The following IL6R variants were observed in gnomAD, a reference collection of about 807,000 sequenced individuals.
IL6R encodes the protein interleukin-6 receptor subunit alpha.
Under a neutral mutation model 48.3 loss-of-function variants are expected in IL6R, and 38 were observed. The ratio of observed to expected loss-of-function variants is 0.79; its 90% CI spans 0.61 to 1.03. The LOEUF is 1.03. IL6R is among the 50% of genes least tolerant of loss of function. The pLI, the probability that IL6R is intolerant of heterozygous loss-of-function variation, is 0.00. For missense variants in IL6R, 534 were observed against 618.3 expected (o/e 0.86, Z 1.45); for synonymous variants, 264 against 256.2 (o/e 1.03, Z -0.29).
chr1:154,405,984 C>T lies in IL6R; in HGVS notation c.85+270C>T, dbSNP rs992980842. Among the ~76,000 whole-genome samples, 1 of 152,170 alleles carries T rather than the reference C, an allele frequency of 6.6e-6. No homozygotes were observed. The highest frequency in any genetic ancestry group is 6.5e-5 in the Admixed American group (1 of 15,286). On this transcript the variant is annotated intron_variant, in intron 1 of 9. Transcript: ENST00000368485. This position sits in a 1 kb window ranked among gnomAD's most constrained non-coding sequence, Gnocchi z 5.2. The stretch of plus-strand genomic sequence containing the variant: ...GGAACCCTGCGGTCTGTGTACAGGA[C>T]TGTGTCCTTGCAAACCTGACTCTCG...
chr1:154,424,682 C>G (rs12096944), intron 1 of IL6R, among the ~76,000 whole-genome samples: 1 of 152,152 alleles, frequency 6.6e-6, no homozygotes. Context: ...CATACGTAAC[C>G]GCATTCAGGC....
intron 6 of IL6R, among the ~76,000 whole-genome samples, chr1:154,443,935 C>A (rs1424417579): frequency 2.0e-5 from 3 of 152,274 alleles, no homozygotes; most frequent in South Asian, 2.1e-4. Context: ...CCAGGGGACA[C>A]CCCACCCACC....
At chr1:154,407,247 C>T (rs2149199284) in intron 1 of IL6R, among the ~76,000 whole-genome samples, 1 of 152,316 alleles carries the variant, frequency 6.6e-6, no homozygotes, top group Middle Eastern at 3.4e-3. Context: ...AAGCAGGGCT[C>T]CCTTGGCTGC....
At chr1:154,422,169 C>T (rs776630429) in intron 1 of IL6R, among the ~76,000 whole-genome samples, 9 of 149,956 alleles carry the variant, frequency 6.0e-5, no homozygotes, top group African/African-American at 1.5e-4. Flanking sequence ...CTCAAACTCC[C>T]GACCTCAGGT....
chr1:154,408,276 C>G (rs1687843028), intron 1 of IL6R, among the ~76,000 whole-genome samples: 1 of 152,232 alleles, frequency 6.6e-6, no homozygotes, highest in African/African-American at 2.4e-5. Flanking sequence ...GGCCCTCCCG[C>G]TTCGGGCTCT....
At chr1:154,417,753 T>C (rs1436151080) in intron 1 of IL6R, among the ~76,000 whole-genome samples, 1 of 150,402 alleles carries the variant, frequency 6.6e-6, no homozygotes, top group East Asian at 2.0e-4. Flanking sequence ...TTTTTTTTTT[T>C]TTTTGAGATG....
At chr1:154,444,290 C>T (rs960361180) in intron 6 of IL6R, among the ~76,000 whole-genome samples, 9 of 150,660 alleles carry the variant, frequency 6.0e-5, no homozygotes, top group African/African-American at 2.0e-4. Flanking sequence ...CTCACCGCAA[C>T]CTCCACCTCC....
At chr1:154,409,520 A>G (rs1368371746) in intron 1 of IL6R, among the ~76,000 whole-genome samples, 1 of 152,166 alleles carries the variant, frequency 6.6e-6, no homozygotes, top group Non-Finnish European at 1.5e-5. Flanking sequence ...AATAGAAATA[A>G]TTGTATTACC....
chr1:154,418,400 C>T (rs919140201), intron 1 of IL6R: 6 of 984,532 alleles, frequency 6.1e-6, no homozygotes, highest in Non-Finnish European at 6.0e-6. Context: ...AGTGTACAGT[C>T]CATCGTGTGG....
chr1:154,448,081 A>G (rs1333802730), intron 6 of IL6R, 44 bp from the exon 7 acceptor site: 4 of 1,540,924 alleles, frequency 2.6e-6, no homozygotes, highest in Admixed American at 1.7e-5. Context: ...ACAGGACTCC[A>G]GGGCCCATGA....
chr1:154,430,640 G>T, intron 3 of IL6R, 34 bp downstream of exon 3: 3 of 1,613,462 alleles, frequency 1.9e-6, no homozygotes, highest in Non-Finnish European at 1.7e-6. Flanking sequence ...GTGCATGTTG[G>T]CTCCCTCCTT....
chr1:154,464,574 C>T (rs1691445300), intron 9 of IL6R, among the ~76,000 whole-genome samples: 1 of 152,166 alleles, frequency 6.6e-6, no homozygotes, highest in Non-Finnish European at 1.5e-5. Context: ...AGTTTCTTCA[C>T]TTGTAAATTG....
chr1:154,461,003 A>C (rs1691228713), intron 9 of IL6R, among the ~76,000 whole-genome samples: 5 of 152,308 alleles, frequency 3.3e-5, no homozygotes, highest in Admixed American at 3.3e-4. Flanking sequence ...GAGGCAGGGT[A>C]AGGAAGGTAA....
At chr1:154,452,873 T>C (rs1348881738) in intron 8 of IL6R, among the ~76,000 whole-genome samples, 2 of 151,272 alleles carry the variant, frequency 1.3e-5, no homozygotes, top group African/African-American at 2.4e-5. Context: ...TTTAGATACA[T>C]GATAGGCACT....
intron 1 of IL6R, among the ~76,000 whole-genome samples, chr1:154,428,357 C>G (rs1570949024): frequency 6.6e-6 from 1 of 152,118 alleles, no homozygotes; most frequent in African/African-American, 2.4e-5. Flanking sequence ...AACAGGGAAC[C>G]AGAAGCCCTG....
intron 7 of IL6R, among the ~76,000 whole-genome samples, chr1:154,449,531 A>C (rs528577103): frequency 1.2e-4 from 18 of 152,206 alleles, no homozygotes; most frequent in African/African-American, 2.9e-4. Flanking sequence ...AACAAACAAA[A>C]AAAAAGAAGT....
Position 154,454,519 on chromosome 1 carries a change from A to G in IL6R, c.1098A>G (p.Thr366=), listed in dbSNP as rs375670252. The G allele has an allele frequency of 1.5e-5, 24 of 1,613,402 alleles. No individual in the cohort carries two copies. Among genetic ancestry groups the G allele is most frequent in the African/African-American group, 5.3e-5 (4 of 74,768 alleles). ...ATTCTTCTTCAGTACCACTGCCCAC[A>G]TTCCTGGTTGCTGGAGGGAGCCTGG... is the stretch of plus-strand genomic sequence containing the variant. ...VQDSSSVPLP[T]FLVAGGSLAF... Residue 366 remains threonine (T), a synonymous_variant, in exon 9 of 10, where the codon ACA becomes ACG. Coordinates refer to ENST00000368485, the MANE Select transcript of IL6R (RefSeq NM_000565.4).
In IL6R at chr1:154,465,513, C is replaced by T. The variant is rs566640792; in HGVS notation, c.*133C>T. 2.1e-5 allele frequency: 22 copies of T among 1,042,228 alleles called. No individual in the cohort carries two copies. Among genetic ancestry groups the T allele is most frequent in the Admixed American group, 8.5e-5 (4 of 47,076 alleles). The allele number at this position is 1,042,228 out of a possible 1,614,324, so 64.6% of individuals were successfully genotyped here. A position where few individuals can be genotyped will look rare whatever the true frequency, so the allele number is the denominator to read the frequency against. ...CCTTTGGCTTCACGGAAGAGCCTTGCGGAAGGTTCTACGCCAGGGGAAAAT... is the reference window on the plus strand; with the variant it reads ...CCTTTGGCTTCACGGAAGAGCCTTGTGGAAGGTTCTACGCCAGGGGAAAAT... On this transcript the variant is annotated 3_prime_UTR_variant, in exon 10 of 10. Transcript: ENST00000368485.
rs201215537 is a variant in IL6R, at chr1:154,454,550, G to A, written c.1129G>A (p.Gly377Arg). Reference sequence around the variant, plus strand: ...GGTTGCTGGAGGGAGCCTGGCCTTCGGAACGCTCCTCTGCATTGCCATTGT... The same window carrying A: ...GGTTGCTGGAGGGAGCCTGGCCTTCAGAACGCTCCTCTGCATTGCCATTGT... ...FLVAGGSLAF[G>R]TLLCIAIVLR... Residue 377 changes from glycine (G) to arginine (R), a missense_variant, in exon 9 of 10, where the codon GGA becomes AGA. Coordinates refer to ENST00000368485, the MANE Select transcript of IL6R (RefSeq NM_000565.4). 48 of 1,613,702 alleles carry A rather than the reference G, an allele frequency of 3.0e-5. No individual in the cohort carries two copies. The East Asian group carries it at 6.7e-4, about 22-fold the overall frequency.
Sources: allele counts gnomAD v4.1 joint callset (sites outside exome capture counted in the v4.1 genomes callset), GRCh38; gene constraint gnomAD v4.1.1; non-coding constraint Gnocchi (gnomAD v3.1); transcripts MANE v1.5; gene names NCBI Gene and HGNC (gene_info 2026-07-23, HGNC 2026-07-21).